SMYD4: variants seen among roughly 807,000 people sequenced by gnomAD.
SMYD4 encodes SET and MYND domain containing 4, also known as protein-lysine N-methyltransferase SMYD4.
SMYD4 carries 68 observed loss-of-function variants against 72.8 expected under a neutral mutation model. That is an observed-to-expected ratio of 0.93 (90% CI 0.77 to 1.14). SMYD4 has a LOEUF of 1.14. Among genes scored for constraint, SMYD4 ranks in the 50% most tolerant of loss-of-function variants. The pLI, the probability that SMYD4 is intolerant of heterozygous loss-of-function variation, is 0.00. For synonymous variants in SMYD4, 407 were observed against 388.6 expected, an observed-to-expected ratio of 1.05 and a Z score of -0.56; for missense variants, 984 against 1,003.7, an observed-to-expected ratio of 0.98 and a Z score of 0.27.
chr17:1,828,078 C>T (rs1165706159), intron 1 of SMYD4, 72 bp from the exon 2 acceptor site: 20 of 1,458,000 alleles, frequency 1.4e-5, no homozygotes, highest in South Asian at 3.6e-5. Context: ...CAGCCAGGTA[C>T]GGTGGCTCAC....
At chr17:1,821,909 T>A (rs1342597706) in intron 2 of SMYD4, among the ~76,000 whole-genome samples, 1 of 147,462 alleles carries the variant, frequency 6.8e-6, no homozygotes. Context: ...CCAGCCTGGG[T>A]GGCAGAGTGA....
chr17:1,806,373 A>G (rs1343703735), intron 3 of SMYD4, among the ~76,000 whole-genome samples: 3 of 152,186 alleles, frequency 2.0e-5, no homozygotes, highest in Non-Finnish European at 2.9e-5. Context: ...ATAAAAGCAG[A>G]AGGCGAACAC....
rs922219971 is a variant in SMYD4 at position 1,784,467 on chromosome 17, G to A, written c.1885-6C>T. ...CAGCGCAGCACGTCATCTCCCTGTG[G>A]AAGTCAGTTTTCTCTTTATTCCAAT... On this transcript the variant is annotated splice_region_variant and splice_polypyrimidine_tract_variant and intron_variant, in intron 7 of 10. Coordinates refer to ENST00000305513, the MANE Select transcript of SMYD4 (RefSeq NM_052928.3). 17 of 1,613,942 alleles carry A rather than the reference G, an allele frequency of 1.1e-5. No individual in the cohort carries two copies. Among genetic ancestry groups the A allele is most frequent in the African/African-American group, 1.3e-5 (1 of 74,922 alleles).
chr17:1,794,368 C>T (rs1201280434), intron 5 of SMYD4, among the ~76,000 whole-genome samples: 1 of 150,814 alleles, frequency 6.6e-6, no homozygotes, highest in East Asian at 1.9e-4. Context: ...ATCCACCCAC[C>T]TCAGCCTCCC....
In SMYD4 at chr17:1,796,084, G is replaced by A. The variant is rs377250610; in HGVS notation, c.1537+3773C>T. 1.1e-3 allele frequency among the ~76,000 whole-genome samples: 172 copies of A among 152,110 alleles called. 1 individual carries two copies. Among genetic ancestry groups the A allele is most frequent in the African/African-American group, 3.7e-3 (153 of 41,518 alleles). ...CATGACCCCAAGTAGCCAGTATTAC[G>A]ATATGTATCTATTCTTCCAGTTTTC... On this transcript the variant is annotated intron_variant, in intron 5 of 10. Coordinates refer to ENST00000305513, the MANE Select transcript of SMYD4 (RefSeq NM_052928.3).
rs12603285 is a variant in SMYD4, at chr17:1,791,040, C to T, written c.1538-3436G>A. 1.2e-3 allele frequency among the ~76,000 whole-genome samples: 162 copies of T among 139,486 alleles called. 1 individual carries two copies. Among genetic ancestry groups the T allele is most frequent in the East Asian group, 2.9e-3 (14 of 4,748 alleles). 91.5% of individuals were successfully genotyped at this position (139,486 alleles called of 152,430 possible). The stretch of plus-strand genomic sequence containing the variant: ...TACTCGGGAGGCTGAGGCAGGAGAA[C>T]GGAGTGAACCCGGGAGGTGGAGCTT... On this transcript the variant is annotated intron_variant, in intron 5 of 10. Transcript: ENST00000305513.
At chr17:1,794,043 A>G (rs1174776966) in intron 5 of SMYD4, among the ~76,000 whole-genome samples, 25 of 71,126 alleles carry the variant, frequency 3.5e-4, no homozygotes, top group South Asian at 3.4e-3. Flanking sequence ...ATATGTATGT[A>G]TATATATATG....
chr17:1,787,569 C>A lies in SMYD4; in HGVS notation c.1573G>T (p.Val525Leu). 1 of 1,595,246 alleles carries A rather than the reference C, an allele frequency of 6.3e-7. No individual in the cohort carries two copies. The highest frequency in any genetic ancestry group is 8.5e-7 in the Non-Finnish European group (1 of 1,171,080). The change falls in exon 6 of 11, where the codon GTG becomes TTG. Residue 525 changes from valine (V) to leucine (L), a missense_variant. Coordinates refer to ENST00000305513, the MANE Select transcript of SMYD4 (RefSeq NM_052928.3). ...KGSIVTDSRQ[V>L]RLATGIFPVI... The stretch of plus-strand genomic sequence containing the variant: ...GGGAAGATGCCTGTGGCAAGGCGCA[C>A]CTGCCTGCTGTCGGTAACGATGCTC...
intron 5 of SMYD4, among the ~76,000 whole-genome samples, chr17:1,794,816 G>T (rs979768409): frequency 4.0e-5 from 6 of 151,778 alleles, no homozygotes; most frequent in Non-Finnish European, 8.8e-5. Flanking sequence ...ACTCAACTGT[G>T]ATTCTGTTTG....
intron 7 of SMYD4, 141 bp from the exon 8 acceptor site, chr17:1,784,602 TGAGC>T (rs1908552954): frequency 6.8e-7 from 1 of 1,464,436 alleles, no homozygotes; most frequent in African/African-American, 1.4e-5. Flanking sequence ...GACGAAAGTC[TGAGC>T]GAATTTTGTT....
chr17:1,800,980 T>C lies in SMYD4; in HGVS notation c.414A>G (p.Pro138=), dbSNP rs374029667. The change falls in exon 5 of 11, where the codon CCA becomes CCG. Residue 138 remains proline (P), a synonymous_variant. Transcript: ENST00000305513. ...ACATAATCTTGGGTTGCAACCTTTC[T>C]GGATACCCATGTGTCTGTGCTCTGT... is the stretch of plus-strand genomic sequence containing the variant. The part of the protein sequence containing the change: ...DINRAQTHGY[P]ERLQPKIMLR... 1.2e-6 allele frequency: 2 copies of C among 1,613,840 alleles called. No individual in the cohort carries two copies. Among genetic ancestry groups the C allele is most frequent in the Non-Finnish European group, 1.7e-6 (2 of 1,179,824 alleles).
At chr17:1,809,468 G>C (rs1427590563) in intron 3 of SMYD4, among the ~76,000 whole-genome samples, 1 of 150,722 alleles carries the variant, frequency 6.6e-6, no homozygotes, top group Non-Finnish European at 1.5e-5. Flanking sequence ...TCTGCCTCCC[G>C]GGTTCAAGCA....
chr17:1,815,035 C>A (rs758805836), intron 2 of SMYD4, among the ~76,000 whole-genome samples: 1 of 151,834 alleles, frequency 6.6e-6, no homozygotes, highest in Non-Finnish European at 1.5e-5. Context: ...ATTCTTCTTG[C>A]CTAACAATAG....
chr17:1,810,126 A>T (rs911655918), intron 3 of SMYD4, among the ~76,000 whole-genome samples: 11 of 152,146 alleles, frequency 7.2e-5, no homozygotes, highest in African/African-American at 2.7e-4. Context: ...CTATCAAGCT[A>T]ACAGTCTCAT....
In SMYD4 at chr17:1,787,579, G is replaced by C. The variant is rs1908773137; in HGVS notation, c.1563C>G (p.Asp521Glu). Residue 521 changes from aspartate (D) to glutamate (E), a missense_variant, in exon 6 of 11, where the codon GAC (aspartate) becomes GAG (glutamate). Physicochemically the swap from Asp to Glu is conservative, Grantham distance 45 (BLOSUM62 2). Coordinates refer to ENST00000305513, the MANE Select transcript of SMYD4 (RefSeq NM_052928.3). ...HTGPKGSIVTDSRQVRLATGI... is the reference protein window; with the variant it reads ...HTGPKGSIVTESRQVRLATGI... ...CTGTGGCAAGGCGCACCTGCCTGCT[G>C]TCGGTAACGATGCTCCCTTTAGGTC... is the stretch of plus-strand genomic sequence containing the variant. 1 of 1,593,546 alleles carries C rather than the reference G, an allele frequency of 6.3e-7. No individual in the cohort carries two copies. The highest frequency in any genetic ancestry group is 1.3e-5 in the African/African-American group (1 of 74,724).
At chr17:1,793,614 T>A (rs1193817363) in intron 5 of SMYD4, among the ~76,000 whole-genome samples, 3 of 151,926 alleles carry the variant, frequency 2.0e-5, no homozygotes, top group Non-Finnish European at 4.4e-5. Context: ...CTAGCCCAGA[T>A]TCAAGGAGAG....
In SMYD4 at chr17:1,800,236, A is replaced by G. The variant is rs1909643627; in HGVS notation, c.1158T>C (p.Asn386=). The part of the protein sequence containing the change: ...NKDICLPESN[N]QVKTLNYGLG... ...GGCCATAATTAAGTGTCTTGACCTG[A>G]TTGTTGCTTTCAGGTAAACAGATGT... Residue 386 remains asparagine, a synonymous_variant, in exon 5 of 11, where the codon AAT becomes AAC. Coordinates refer to ENST00000305513, the MANE Select transcript of SMYD4 (RefSeq NM_052928.3). 6.2e-7 allele frequency: 1 copy of G among 1,614,080 alleles called. No homozygotes were observed. Among genetic ancestry groups the G allele is most frequent in the African/African-American group, 1.3e-5 (1 of 74,932 alleles).
intron 1 of SMYD4, 21 bp from the exon 2 acceptor site, chr17:1,828,027 T>A (rs761007314): frequency 4.4e-6 from 7 of 1,586,912 alleles, no homozygotes; most frequent in Non-Finnish European, 6.0e-6. Context: ...AGTAAGAAAA[T>A]AGGAATCTTA....
intron 5 of SMYD4, among the ~76,000 whole-genome samples, chr17:1,794,838 A>C (rs1909303108): frequency 6.6e-6 from 1 of 152,120 alleles, no homozygotes; most frequent in African/African-American, 2.4e-5. Context: ...AATGGTATGA[A>C]ACTGATTAGG....
Sources: gnomAD v4.1 joint callset for allele counts (sites outside exome capture counted in the v4.1 genomes callset) on GRCh38, gnomAD v4.1.1 for gene constraint, MANE v1.5 for transcripts, NCBI Gene and HGNC (gene_info 2026-07-23, HGNC 2026-07-21) for gene names.